Variants in SHISA6 observed in about 807,000 individuals in gnomAD.
SHISA6 encodes shisa family member 6.
A neutral mutation model predicts 47.9 loss-of-function variants in SHISA6; 22 were observed. That is an observed-to-expected ratio of 0.46 (90% confidence interval 0.33 to 0.66). The LOEUF (loss-of-function observed/expected upper bound fraction) is 0.66, where lower values mean the gene tolerates loss of function less well. Ranked by LOEUF, SHISA6 falls within the 30% of genes least tolerant of loss-of-function variation. The pLI is 0.02. For missense variants in SHISA6, 680 were observed against 764.6 expected (o/e 0.89, Z 1.30); for synonymous variants, 388 against 337.8 (o/e 1.15, Z -1.63).
intron 2 of SHISA6, among the ~76,000 whole-genome samples, chr17:11,368,651 C>T (rs899348749): frequency 2.6e-5 from 4 of 151,834 alleles, no homozygotes; most frequent in South Asian, 2.1e-4. Flanking sequence ...TTCGTTTGTT[C>T]GGTTATTTAT....
In SHISA6 at chr17:11,532,196, G is replaced by A. The variant is rs117473333; in HGVS notation, c.896-19700G>A. 3.9e-3 allele frequency among the ~76,000 whole-genome samples: 587 copies of A among 152,346 alleles called. 6 individuals are homozygous for A. The highest frequency in any genetic ancestry group is 0.01 in the Middle Eastern group (3 of 294). On this transcript the variant is annotated intron_variant, in intron 3 of 5. Transcript: ENST00000441885. ...CGCCAGCCGATGGCTCTGAACTGCG[G>A]TGTAAGTGGTGCAAGAATTAGGGAA...
chr17:11,453,676 T>C (rs1027736383), intron 3 of SHISA6, among the ~76,000 whole-genome samples: 1 of 152,194 alleles, frequency 6.6e-6, no homozygotes, highest in African/African-American at 2.4e-5. Flanking sequence ...CTTACATACA[T>C]TAAAATTAGC....
intron 3 of SHISA6, among the ~76,000 whole-genome samples, chr17:11,488,726 C>T (rs559987420): frequency 1.3e-5 from 2 of 152,256 alleles, no homozygotes; most frequent in East Asian, 1.9e-4. Flanking sequence ...GCATCCTTTC[C>T]AGTAATTCAG....
intron 2 of SHISA6, among the ~76,000 whole-genome samples, chr17:11,368,047 C>G (rs1180926257): frequency 6.6e-6 from 1 of 152,154 alleles, no homozygotes; most frequent in Non-Finnish European, 1.5e-5. Flanking sequence ...ACATGACCCA[C>G]TTTTCCAAAG....
intron 1 of SHISA6, among the ~76,000 whole-genome samples, chr17:11,250,468 T>C (rs1907757602): frequency 6.6e-6 from 1 of 152,222 alleles, no homozygotes; most frequent in Non-Finnish European, 1.5e-5. Context: ...AGTGGATGAA[T>C]TGATCACCGA....
intron 2 of SHISA6, among the ~76,000 whole-genome samples, chr17:11,378,616 A>G (rs1017121960): frequency 3.3e-5 from 5 of 152,226 alleles, no homozygotes; most frequent in Non-Finnish European, 7.3e-5. Flanking sequence ...TTTGAATGTC[A>G]GAAGTAGAAC....
intron 3 of SHISA6, among the ~76,000 whole-genome samples, chr17:11,423,689 G>A (rs566105501): frequency 3.5e-4 from 53 of 152,122 alleles, no homozygotes; most frequent in Middle Eastern, 3.4e-3. Context: ...TCACCATACA[G>A]CCGCCAAAAC....
chr17:11,384,824 TAGAG>T (rs1322037424), intron 3 of SHISA6, among the ~76,000 whole-genome samples: 6 of 150,260 alleles, frequency 4.0e-5, no homozygotes, highest in Non-Finnish European at 8.9e-5. Flanking sequence ...GGGTGGGAGT[TAGAG>T]AGAGAGAGAG....
At chr17:11,487,669 T>C (rs1916386189) in intron 3 of SHISA6, among the ~76,000 whole-genome samples, 1 of 152,238 alleles carries the variant, frequency 6.6e-6, no homozygotes, top group South Asian at 2.1e-4. Context: ...TTTAGAAGAC[T>C]GGAAACATTT....
intron 3 of SHISA6, among the ~76,000 whole-genome samples, chr17:11,455,812 C>T (rs1297949133): frequency 6.6e-6 from 1 of 152,156 alleles, no homozygotes; most frequent in African/African-American, 2.4e-5. Context: ...ACCTACTGGC[C>T]ATCGAAAACC....
chr17:11,534,646 G>A (rs2071769820), intron 3 of SHISA6, among the ~76,000 whole-genome samples: 1 of 152,154 alleles, frequency 6.6e-6, no homozygotes, highest in Non-Finnish European at 1.5e-5. Context: ...GCAGCTGAAG[G>A]AATTGGAGAA....
rs566918721 is a variant in SHISA6 at position 11,557,755 on chromosome 17, C to T, written c.1107C>T (p.Thr369=). ...PSKYSSLKRL[T]DKEADEYYMR... ...TCTCACTCTGTCTCTCCCCTGCAGC[C>T]GACAAGGAGGCTGACGAGTATTACA... Residue 369 remains threonine, a splice_region_variant and synonymous_variant, in exon 6 of 6, where the codon ACC becomes ACT. Coordinates refer to ENST00000441885, the MANE Select transcript of SHISA6 (RefSeq NM_207386.4). 5.2e-6 allele frequency: 8 copies of T among 1,537,456 alleles called. No homozygotes were observed. The highest frequency in any genetic ancestry group is 2.4e-5 in the South Asian group (2 of 81,714).
intron 1 of SHISA6, among the ~76,000 whole-genome samples, chr17:11,243,229 ACATTAAT>A (rs1312594028): frequency 1.1e-4 from 16 of 151,750 alleles, no homozygotes; most frequent in Admixed American, 3.3e-4. Flanking sequence ...GCTGCTGTGC[ACATTAAT>A]CACCCCTGCC....
intron 2 of SHISA6, among the ~76,000 whole-genome samples, chr17:11,332,186 C>G (rs1372354176): frequency 6.6e-6 from 1 of 151,922 alleles, no homozygotes; most frequent in African/African-American, 2.4e-5. Flanking sequence ...AGTGAGCGTC[C>G]TAATTAAAAT....
In SHISA6 at chr17:11,560,459, T is replaced by A. The variant is rs1409212733; in HGVS notation, c.*2155T>A. 1 of 152,294 alleles carries A rather than the reference T, an allele frequency of 6.6e-6. No individual in the cohort carries two copies. The highest frequency in any genetic ancestry group is 1.9e-4 in the East Asian group (1 of 5,172). The allele number at this position is 152,294 out of a possible 1,614,324, so 9.4% of individuals were successfully genotyped here. On this transcript the variant is annotated 3_prime_UTR_variant, in exon 6 of 6. Coordinates refer to ENST00000441885, the MANE Select transcript of SHISA6 (RefSeq NM_207386.4). ...AGAGGGTTGGAAAGGAAGAAGTGAG[T>A]CTGAATAGAGCAGGTGGCTCCCAGC... is the stretch of plus-strand genomic sequence containing the variant.
At chr17:11,274,373 A>G (rs182651684) in intron 2 of SHISA6, among the ~76,000 whole-genome samples, 14 of 152,326 alleles carry the variant, frequency 9.2e-5, no homozygotes, top group Non-Finnish European at 1.9e-4. Flanking sequence ...AGAATTCGCA[A>G]TTACCTCCAT....
chr17:11,414,070 C>T (rs1042515697), intron 3 of SHISA6, among the ~76,000 whole-genome samples: 2 of 151,486 alleles, frequency 1.3e-5, no homozygotes, highest in African/African-American at 4.9e-5. Flanking sequence ...CTCTTCCTCC[C>T]CTCTTCTTCC....
intron 2 of SHISA6, among the ~76,000 whole-genome samples, chr17:11,275,464 T>C (rs940127252): frequency 2.6e-5 from 4 of 152,212 alleles, no homozygotes; most frequent in Non-Finnish European, 5.9e-5. Context: ...ATTTTGGTCC[T>C]TTATTGGATG....
chr17:11,369,016 T>C (rs1912542453), intron 2 of SHISA6, among the ~76,000 whole-genome samples: 1 of 152,206 alleles, frequency 6.6e-6, no homozygotes, highest in Non-Finnish European at 1.5e-5. Context: ...ATTCCCATTT[T>C]ACAGATGAAG....
Sources: gnomAD v4.1 joint callset for allele counts (sites outside exome capture counted in the v4.1 genomes callset) on GRCh38, gnomAD v4.1.1 for gene constraint, MANE v1.5 for transcripts, NCBI Gene and HGNC (gene_info 2026-07-23, HGNC 2026-07-21) for gene names.